RBFOX1: variants seen among roughly 807,000 people sequenced by gnomAD.
The protein encoded by RBFOX1 is RNA binding fox-1 homolog 1, also known as RNA binding protein fox-1 homolog 1.
RBFOX1 carries 8 observed loss-of-function variants against 57.7 expected under a neutral mutation model. That is an observed-to-expected ratio of 0.14 (90% CI 0.08 to 0.25). The LOEUF is 0.25. Among genes scored for constraint, RBFOX1 ranks in the 10% least tolerant of loss-of-function variants. RBFOX1 has a pLI of 1.00. For synonymous variants in RBFOX1, 326 were observed against 222.4 expected (o/e 1.47, Z -4.15); for missense variants, 611 against 548.5 (o/e 1.11, Z -1.14).
At chr16:7,434,296 C>G (rs576508833) in intron 4 of RBFOX1, among the ~76,000 whole-genome samples, 23 of 151,998 alleles carry the variant, frequency 1.5e-4, no homozygotes, top group South Asian at 6.3e-4. Context: ...ACGGTGAAAC[C>G]CCGTCTCTAC....
intron 3 of RBFOX1, among the ~76,000 whole-genome samples, chr16:6,978,410 G>A (rs1053753969): frequency 6.6e-6 from 1 of 152,094 alleles, no homozygotes; most frequent in African/African-American, 2.4e-5. Flanking sequence ...CTACCTCACC[G>A]AACACATGAT....
intron 4 of RBFOX1, among the ~76,000 whole-genome samples, chr16:7,300,384 C>A (rs1270903936): frequency 6.6e-6 from 1 of 152,172 alleles, no homozygotes; most frequent in Non-Finnish European, 1.5e-5. Context: ...GCTTTTGATA[C>A]AGATAAATAA....
intron 2 of RBFOX1, among the ~76,000 whole-genome samples, chr16:6,466,107 T>G (rs1178180499): frequency 1.3e-5 from 2 of 151,758 alleles, no homozygotes; most frequent in African/African-American, 4.8e-5. Context: ...TGGGCACCTG[T>G]AATCCCAGCT....
chr16:5,955,119 A>T (rs74734912), intron 4 of RBFOX1, among the ~76,000 whole-genome samples: 114 of 27,740 alleles, frequency 4.1e-3, no homozygotes, highest in African/African-American at 0.015. Context: ...CATCTCTACT[A>T]AAAAAAAAAA....
At chr16:5,495,350 G>A (rs553130623) in intron 2 of RBFOX1, among the ~76,000 whole-genome samples, 3 of 152,284 alleles carry the variant, frequency 2.0e-5, no homozygotes, top group African/African-American at 7.2e-5. Flanking sequence ...GAGACTGAGG[G>A]GGAACGTGTT....
At chr16:5,602,539 G>A (rs1352343256), downstream of RBFOX1, among the ~76,000 whole-genome samples, 1 of 152,202 alleles carries the variant, frequency 6.6e-6, no homozygotes, top group East Asian at 1.9e-4. Flanking sequence ...ACTGTTGAGT[G>A]AGAAATACAG....
chr16:6,288,773 G>A (rs2077157727), intron 1 of RBFOX1, among the ~76,000 whole-genome samples: 1 of 152,126 alleles, frequency 6.6e-6, no homozygotes. Flanking sequence ...GAATACGCCT[G>A]TATGCCTCTG....
intron 4 of RBFOX1, among the ~76,000 whole-genome samples, chr16:7,197,292 G>A (rs1602652547): frequency 6.6e-6 from 1 of 152,116 alleles, no homozygotes; most frequent in Non-Finnish European, 1.5e-5. Context: ...TCATGTCGTG[G>A]TTGAAGCAGG....
At chr16:7,314,089 A>G (rs568463771) in intron 4 of RBFOX1, among the ~76,000 whole-genome samples, 1 of 152,254 alleles carries the variant, frequency 6.6e-6, no homozygotes, top group Admixed American at 6.5e-5. Context: ...GCAACAAACC[A>G]TGAGGCTTTT....
chr16:7,277,329 A>T (rs1028300960), intron 4 of RBFOX1, among the ~76,000 whole-genome samples: 2 of 152,186 alleles, frequency 1.3e-5, no homozygotes, highest in African/African-American at 4.8e-5. Flanking sequence ...GGAAGATCCA[A>T]TGTGGTTTGT....
intron 3 of RBFOX1, among the ~76,000 whole-genome samples, chr16:6,871,705 C>A (rs143499569): frequency 6.6e-6 from 1 of 152,110 alleles, no homozygotes; most frequent in South Asian, 2.1e-4. Context: ...ATCTATTCTC[C>A]ATATACCAGA....
chr16:5,507,098 A>G (rs73510598), intron 2 of RBFOX1, among the ~76,000 whole-genome samples: 3,624 of 151,912 alleles, frequency 0.024, 155 homozygotes, highest in African/African-American at 0.084. Flanking sequence ...CTGTGCCTCA[A>G]TTTCCCTGCC....
At chr16:6,508,873 A>C (rs1598494915) in intron 2 of RBFOX1, among the ~76,000 whole-genome samples, 1 of 152,096 alleles carries the variant, frequency 6.6e-6, no homozygotes, top group African/African-American at 2.4e-5. Flanking sequence ...TCATAACAAA[A>C]AAAAAAAAAT....
rs1465094334 is a variant in RBFOX1, at chr16:7,518,449, A to T, written c.270+60A>T. 3.2e-6 allele frequency: 5 copies of T among 1,544,702 alleles called. No homozygotes were observed. The East Asian group carries it at 6.8e-5, about 21-fold the overall frequency. On this transcript the variant is annotated intron_variant, in intron 5 of 15. Coordinates refer to ENST00000550418, the MANE Select transcript of RBFOX1 (RefSeq NM_018723.4). ...TGGGGAGGCGCCCCCAGCCCTGGTA[A>T]TGGCAGCGGGGGTGCACCCCCATCT...
At chr16:7,264,427 T>C (rs988456647) in intron 4 of RBFOX1, among the ~76,000 whole-genome samples, 1 of 152,220 alleles carries the variant, frequency 6.6e-6, no homozygotes, top group African/African-American at 2.4e-5. Flanking sequence ...TGGCTCACAG[T>C]AGTCCAGTGT....
intron 2 of RBFOX1, among the ~76,000 whole-genome samples, chr16:6,387,725 C>G (rs1158841323): frequency 1.3e-5 from 2 of 152,038 alleles, no homozygotes; most frequent in Non-Finnish European, 2.9e-5. Context: ...ATAGTGGGCA[C>G]CTGTCAATTC....
At position 7,541,739 on chromosome 16, in the gene RBFOX1, A is replaced by G. The variant is rs141294726; in HGVS notation, c.270+23350A>G. Among the ~76,000 whole-genome samples the G allele has an allele frequency of 5.7e-3, 865 of 152,326 alleles. 28 individuals are homozygous for G. The highest frequency in any genetic ancestry group is 0.044 in the Admixed American group (676 of 15,306). On this transcript the variant is annotated intron_variant, in intron 5 of 15. Coordinates refer to ENST00000550418, the MANE Select transcript of RBFOX1 (RefSeq NM_018723.4). ...TCCATGCAAGCAGCCATGCTTTCCT[A>G]GTCATTAACCACCTGGGCCTTGGGC...
intron 3 of RBFOX1, among the ~76,000 whole-genome samples, chr16:6,907,183 C>T (rs2070229579): frequency 6.6e-6 from 1 of 152,110 alleles, no homozygotes. Context: ...GTATGTCCTC[C>T]TGGCATCTGT....
intron 3 of RBFOX1, among the ~76,000 whole-genome samples, chr16:5,626,179 C>T (rs958692921): frequency 6.6e-6 from 1 of 152,228 alleles, no homozygotes; most frequent in Non-Finnish European, 1.5e-5. Context: ...CACACCTGAC[C>T]TCTTTAATAT....
Sources: allele counts gnomAD v4.1 joint callset (sites outside exome capture counted in the v4.1 genomes callset), GRCh38; gene constraint gnomAD v4.1.1; transcripts MANE v1.5; gene names NCBI Gene and HGNC (gene_info 2026-07-23, HGNC 2026-07-21).